Variants in TTBK1 observed in about 807,000 individuals in gnomAD.
The protein encoded by TTBK1 is tau-tubulin kinase 1.
TTBK1 carries 34 observed loss-of-function variants against 108.5 expected under a neutral mutation model. The ratio of observed to expected loss-of-function variants is 0.31; its 90% CI spans 0.24 to 0.42. The LOEUF (loss-of-function observed/expected upper bound fraction) is 0.42, where lower values mean the gene tolerates loss of function less well. Among genes scored for constraint, TTBK1 ranks in the 10% least tolerant of loss-of-function variants. The probability of loss-of-function intolerance (pLI) is 1.00; values close to 1 mark genes in which losing one functional copy is unlikely to be tolerated. For missense variants in TTBK1, 1,539 were observed against 1,826.0 expected (o/e 0.84, Z 2.86); for synonymous variants, 809 against 795.1 (o/e 1.02, Z -0.29).
Position 43,273,559 on chromosome 6 carries a change from G to A in TTBK1, c.1987-9168G>A, listed in dbSNP as rs1777887980. ...CAGTGGGATTGGTGAGGTCCTAGGG[G>A]TCAGACTCACAGACGGGGAAGACAC... On this transcript the variant is annotated intron_variant, in intron 13 of 14. Transcript: ENST00000259750. The surrounding 1 kb of genome is among the most constrained non-coding windows in gnomAD (Gnocchi z 4.2). 6.6e-6 allele frequency among the ~76,000 whole-genome samples: 1 copy of A among 151,240 alleles called. No individual in the cohort carries two copies. Among genetic ancestry groups the A allele is most frequent in the African/African-American group, 2.5e-5 (1 of 40,576 alleles).
At position 43,246,477 on chromosome 6, in the gene TTBK1, G is replaced by A. The variant is rs567675812; in HGVS notation, c.-54-130G>A. 54 of 508,620 alleles carry A rather than the reference G, an allele frequency of 1.1e-4. 1 individual carries two copies. In the South Asian group the frequency reaches 1.7e-3, roughly 16 times the overall value. 31.5% of individuals were successfully genotyped at this position (508,620 alleles called of 1,614,324 possible). ...TGGCCTTTATACAATCTTTCCCCTG[G>A]TAACTCCTGGAGCATCTGTCCAGTG... On this transcript the variant is annotated intron_variant, in intron 1 of 14. Coordinates refer to ENST00000259750, the MANE Select transcript of TTBK1 (RefSeq NM_032538.3).
chr6:43,269,779 C>T lies in TTBK1; in HGVS notation c.1986+6429C>T. On this transcript the variant is annotated intron_variant, in intron 13 of 14. Coordinates refer to ENST00000259750, the MANE Select transcript of TTBK1 (RefSeq NM_032538.3). The surrounding 1 kb of genome is among the most constrained non-coding windows in gnomAD (Gnocchi z 4.8). ...CCCGGCGGCGGCGGCTCCTCGGGCT[C>T]CTCCGGTTCCCTCATTCAGCGCAGC... 6.3e-7 allele frequency: 1 copy of T among 1,578,018 alleles called. No homozygotes were observed. The highest frequency in any genetic ancestry group is 8.6e-7 in the Non-Finnish European group (1 of 1,167,220).
intron 13 of TTBK1, among the ~76,000 whole-genome samples, chr6:43,268,066 G>A (rs924963666): frequency 2.0e-5 from 3 of 152,216 alleles, no homozygotes; most frequent in African/African-American, 7.2e-5. Flanking sequence ...GAGCTGGAGC[G>A]GTCTCACAGA....
At position 43,285,248 on chromosome 6, in the gene TTBK1, C is replaced by T; in HGVS notation, c.3838C>T (p.Arg1280Trp). The T allele has an allele frequency of 3.1e-6, 4 of 1,295,924 alleles. No individual in the cohort carries two copies. The highest frequency in any genetic ancestry group is 2.1e-4 in the Middle Eastern group (1 of 4,764). 80.3% of individuals were successfully genotyped at this position (1,295,924 alleles called of 1,614,324 possible). The change falls in exon 15 of 15, where the codon CGG (arginine) becomes TGG (tryptophan). Residue 1280 changes from arginine to tryptophan, a missense_variant. This residue lies in a region of TTBK1 where 1,055 missense variants were observed against 1,086.5 expected (regional missense o/e 0.97). Transcript: ENST00000259750. This position sits in a 1 kb window ranked among gnomAD's most constrained non-coding sequence, Gnocchi z 4.7. The stretch of plus-strand genomic sequence containing the variant: ...CCCGCCCCGGGGCGTCCCGCCGGCC[C>T]GGGCCCAGCCTGATGGCACCCCCTC... ...VPPPRGVPPA[R>W]AQPDGTPSPG...
rs778587174 is a variant in TTBK1, at chr6:43,283,605, C to T, written c.2865C>T (p.Ser955=). ...GGQALRSEEF[S]AGGELGLELA... ...AAGCCTTGCGGTCTGAGGAGTTCAG[C>T]GCTGGGGGCGAGCTGGGTCTGGAGC... The change falls in exon 14 of 15, where the codon AGC becomes AGT. Residue 955 remains serine (S), a synonymous_variant. Transcript: ENST00000259750. The surrounding 1 kb of genome is among the most constrained non-coding windows in gnomAD (Gnocchi z 8.1). 1.4e-5 allele frequency: 22 copies of T among 1,614,128 alleles called. No individual in the cohort carries two copies. The highest frequency in any genetic ancestry group is 1.1e-4 in the South Asian group (10 of 91,088).
intron 13 of TTBK1, among the ~76,000 whole-genome samples, chr6:43,264,574 G>A (rs1777627986): frequency 6.6e-6 from 1 of 152,174 alleles, no homozygotes; most frequent in Non-Finnish European, 1.5e-5. Flanking sequence ...AGTGAGGGCA[G>A]AAGCTGAGAG....
rs1777404031 is a variant in TTBK1, at chr6:43,257,157, G to T, written c.862-655G>T. 6.6e-6 allele frequency among the ~76,000 whole-genome samples: 1 copy of T among 152,136 alleles called. No individual in the cohort carries two copies. The highest frequency in any genetic ancestry group is 2.4e-5 in the African/African-American group (1 of 41,410). ...CCAAGCCAGAAGTGGAGTGTTCTGGGGACCTCAGAGGGTCTATAGCTGTCT... is the reference window on the plus strand; with the variant it reads ...CCAAGCCAGAAGTGGAGTGTTCTGGTGACCTCAGAGGGTCTATAGCTGTCT... On this transcript the variant is annotated intron_variant, in intron 9 of 14. Transcript: ENST00000259750. This position sits in a 1 kb window ranked among gnomAD's most constrained non-coding sequence, Gnocchi z 4.5.
chr6:43,274,492 A>T (rs547258941), intron 13 of TTBK1, among the ~76,000 whole-genome samples: 2 of 152,106 alleles, frequency 1.3e-5, no homozygotes, highest in African/African-American at 2.4e-5. Context: ...AGGGAACCAT[A>T]CTTGGGGAGG....
intron 5 of TTBK1, 143 bp from the exon 6 acceptor site, chr6:43,254,404 A>T (rs1777328809): frequency 8.8e-6 from 5 of 568,770 alleles, no homozygotes; most frequent in Non-Finnish European, 1.6e-5. Context: ...TGATGCACAC[A>T]TGTGAATACT....
chr6:43,284,276 G>T lies in TTBK1; in HGVS notation c.3536G>T (p.Gly1179Val). 2 of 1,589,634 alleles carry T rather than the reference G, an allele frequency of 1.3e-6. No individual in the cohort carries two copies. The highest frequency in any genetic ancestry group is 1.7e-5 in the Admixed American group (1 of 59,492). Residue 1179 changes from glycine to valine, a missense_variant, in exon 14 of 15, where the codon GGC becomes GTC. Gly to Val is a moderately radical substitution (Grantham distance 109). Around this residue, in one of 5 missense-constraint regions of TTBK1, gnomAD observed 1,055 missense variants for 1,086.5 expected, o/e 0.97. Coordinates refer to ENST00000259750, the MANE Select transcript of TTBK1 (RefSeq NM_032538.3). Reference sequence around the variant, plus strand: ...CAGCAGCCCGCCAGCAGATCCCATGGCGCGGCCCCAGCATTGGACACAGCC... The same window carrying T: ...CAGCAGCCCGCCAGCAGATCCCATGTCGCGGCCCCAGCATTGGACACAGCC... ...AAQQPASRSH[G>V]AAPALDTAIT...
At chr6:43,244,446 A>G (rs1777035979) in intron 1 of TTBK1, among the ~76,000 whole-genome samples, 1 of 152,148 alleles carries the variant, frequency 6.6e-6, no homozygotes, top group Admixed American at 6.5e-5. Flanking sequence ...TCTCTGACAG[A>G]TATTCATACA....
Position 43,252,865 on chromosome 6 carries a change from G to T in TTBK1, c.235G>T (p.Ala79Ser), listed in dbSNP as rs1361811595. 6.2e-7 allele frequency: 1 copy of T among 1,613,604 alleles called. No homozygotes were observed. The highest frequency in any genetic ancestry group is 8.5e-7 in the Non-Finnish European group (1 of 1,179,922). The change falls in exon 3 of 15, where the codon GCC (alanine) becomes TCC (serine). Residue 79 changes from alanine (A) to serine (S), a missense_variant. This residue lies in a region of TTBK1 where 155 missense variants were observed against 348.5 expected (regional missense o/e 0.44). Transcript: ENST00000259750. Reference protein sequence around the residue: ...QPKQVLKMEVAVLKKLQGKDH... With the variant: ...QPKQVLKMEVSVLKKLQGKDH... ...CAAGCAGGTCCTCAAGATGGAGGTG[G>T]CCGTGCTCAAGAAGTTGCAAGGTTC...
At chr6:43,266,998 CGT>C (rs3997628) in intron 13 of TTBK1, among the ~76,000 whole-genome samples, 11,140 of 127,938 alleles carry the variant, frequency 0.087, 515 homozygotes, top group East Asian at 0.2. Context: ...CTGGAGCATG[CGT>C]GTGTGTGTGT....
chr6:43,255,186 G>A, intron 7 of TTBK1, 72 bp downstream of exon 7: 1 of 1,201,288 alleles, frequency 8.3e-7, no homozygotes, highest in East Asian at 2.5e-5. Flanking sequence ...GTGCTGCTGG[G>A]GAGGGGTGGG....
rs776492012 is a variant in TTBK1 at position 43,283,155 on chromosome 6, G to A, written c.2415G>A (p.Pro805=). ...CTGACCGGAGCCAGGAGGGTGCCCC[G>A]TCCACGCTGCTGGCAGACGATCAGA... The part of the protein sequence containing the change: ...RSTDRSQEGA[P]STLLADDQKE... Residue 805 remains proline (P), a synonymous_variant, in exon 14 of 15, where the codon CCG becomes CCA. Transcript: ENST00000259750. This position sits in a 1 kb window ranked among gnomAD's most constrained non-coding sequence, Gnocchi z 8.1. 36 of 1,563,410 alleles carry A rather than the reference G, an allele frequency of 2.3e-5. No individual in the cohort carries two copies. Among genetic ancestry groups the A allele is most frequent in the African/African-American group, 1.4e-4 (10 of 73,734 alleles).
chr6:43,271,944 T>G (rs1777846261), intron 13 of TTBK1: 1 of 984,170 alleles, frequency 1.0e-6, no homozygotes, highest in African/African-American at 1.8e-5. Flanking sequence ...CTGGGCTGTT[T>G]TGGATGGCTT....
rs745618169 is a variant in TTBK1, at chr6:43,246,691, G to A, written c.31G>A (p.Glu11Lys). The change falls in exon 2 of 15, where the codon GAA becomes AAA. Residue 11 changes from glutamate (E) to lysine (K), a missense_variant. Glu to Lys is a moderately conservative substitution (Grantham distance 56, BLOSUM62 1). This residue lies in a region of TTBK1 where 45 missense variants were observed against 38.0 expected (regional missense o/e 1.19). Transcript: ENST00000259750. ...GTGCCTAGCGGCCGCCCTTAAGGAC[G>A]AAACCAACATGAGTGGGGGAGGGGA... MQCLAAALKD[E>K]TNMSGGGEQA... 2.9e-5 allele frequency: 46 copies of A among 1,611,642 alleles called. 1 individual carries two copies. Among genetic ancestry groups the A allele is most frequent in the South Asian group, 2.3e-4 (21 of 90,802 alleles).
chr6:43,278,419 C>G (rs1316856787), intron 13 of TTBK1, among the ~76,000 whole-genome samples: 1 of 152,258 alleles, frequency 6.6e-6, no homozygotes, highest in Admixed American at 6.5e-5. Flanking sequence ...CAGCCGAACC[C>G]TTACCATATA....
intron 13 of TTBK1, among the ~76,000 whole-genome samples, chr6:43,272,955 C>T (rs1214804821): frequency 6.6e-6 from 1 of 152,180 alleles, no homozygotes; most frequent in African/African-American, 2.4e-5. Context: ...GGTGTTTTCG[C>T]ACTTCATAGT....
Sources: gnomAD v4.1 joint callset for allele counts (sites outside exome capture counted in the v4.1 genomes callset) on GRCh38, gnomAD v4.1.1 for gene constraint, gnomAD v4.1.1 regional missense constraint, Gnocchi (gnomAD v3.1) non-coding constraint, MANE v1.5 for transcripts, NCBI Gene and HGNC (gene_info 2026-07-23, HGNC 2026-07-21) for gene names.